LPAR1: variants seen among roughly 807,000 people sequenced by gnomAD.
The protein encoded by LPAR1 is LPA receptor 1.
A neutral mutation model predicts 23.8 loss-of-function variants in LPAR1; 5 were observed. The observed-to-expected ratio is 0.21, with a 90% CI of 0.11 to 0.44. LPAR1 has a LOEUF of 0.44. Among genes scored for constraint, LPAR1 ranks in the 20% least tolerant of loss-of-function variants. LPAR1 has a pLI of 0.99. For synonymous variants in LPAR1, 160 were observed against 164.7 expected, an observed-to-expected ratio of 0.97 and a Z score of 0.22; for missense variants, 311 against 482.8, an observed-to-expected ratio of 0.64 and a Z score of 3.33.
intron 2 of LPAR1, among the ~76,000 whole-genome samples, chr9:111,015,930 C>T (rs751156900): frequency 4.0e-5 from 6 of 151,622 alleles, no homozygotes; most frequent in Non-Finnish European, 7.4e-5. Flanking sequence ...TCCTCATGCA[C>T]GGCAAACTGA....
chr9:110,887,872 C>T (rs536722), intron 5 of LPAR1, among the ~76,000 whole-genome samples: 124,766 of 152,236 alleles, frequency 0.82, 51,607 homozygotes, highest in African/African-American at 0.93. Context: ...ACTTATCCTA[C>T]AGATATATTT....
At chr9:110,906,974 A>G (rs879558581) in intron 5 of LPAR1, among the ~76,000 whole-genome samples, 5,682 of 152,292 alleles carry the variant, frequency 0.037, 172 homozygotes, top group Non-Finnish European at 0.047. Flanking sequence ...TCTGTAACTT[A>G]AAAAATCTAG....
At chr9:110,971,265 C>G (rs904246936) in intron 4 of LPAR1, among the ~76,000 whole-genome samples, 4 of 152,140 alleles carry the variant, frequency 2.6e-5, no homozygotes, top group African/African-American at 9.7e-5. Context: ...CCTCTGTATG[C>G]CTCATGTATA....
intron 2 of LPAR1, among the ~76,000 whole-genome samples, chr9:111,025,264 T>C (rs1191147266): frequency 6.6e-6 from 1 of 152,220 alleles, no homozygotes; most frequent in African/African-American, 2.4e-5. Flanking sequence ...AGATGGTAGC[T>C]CATTGTGGTT....
chr9:110,946,318 G>T (rs2095376588), intron 4 of LPAR1, among the ~76,000 whole-genome samples: 1 of 152,002 alleles, frequency 6.6e-6, no homozygotes. Flanking sequence ...AAAAAGAAAG[G>T]TCTCAGATTA....
intron 5 of LPAR1, among the ~76,000 whole-genome samples, chr9:110,884,787 G>C (rs1475004626): frequency 6.6e-6 from 1 of 152,122 alleles, no homozygotes. Flanking sequence ...CTATTACTTT[G>C]AGTAATTTTC....
In LPAR1 at chr9:111,024,563, TATATATACACACAC is replaced by T. The variant is rs1314747162; in HGVS notation, c.-182+11545_-182+11558del. On this transcript the variant is annotated intron_variant, in intron 2 of 5. Coordinates refer to ENST00000683809, the MANE Select transcript of LPAR1 (RefSeq NM_001351411.2). Reference sequence around the variant, plus strand: ...GTGTGTGTATATATATACACACACATATATATACACACACACTTTAAGTTCTGGGATACATGTGC... The same window carrying T: ...GTGTGTGTATATATATACACACACATACTTTAAGTTCTGGGATACATGTGC... 8.6e-3 allele frequency among the ~76,000 whole-genome samples: 809 copies of T among 94,472 alleles called. 11 individuals are homozygous for T. Among genetic ancestry groups the T allele is most frequent in the African/African-American group, 0.028 (767 of 27,808 alleles). The allele number at this position is 94,472 out of a possible 152,430, so 62.0% of individuals were successfully genotyped here.
chr9:110,968,298 C>T (rs1057091569), intron 4 of LPAR1, among the ~76,000 whole-genome samples: 12 of 152,188 alleles, frequency 7.9e-5, no homozygotes, highest in East Asian at 1.9e-4. Context: ...AATTGGCTCG[C>T]GAAATTCCTG....
chr9:110,922,969 C>T (rs1267565757), intron 5 of LPAR1, among the ~76,000 whole-genome samples: 1 of 151,722 alleles, frequency 6.6e-6, no homozygotes, highest in Non-Finnish European at 1.5e-5. Context: ...GGGTATTTCT[C>T]CTAACGCTAT....
chr9:110,957,344 A>AT (rs2095796055), intron 4 of LPAR1, among the ~76,000 whole-genome samples: 1 of 142,504 alleles, frequency 7.0e-6, no homozygotes, highest in Non-Finnish European at 1.5e-5. Context: ...TGTCTCAAAA[A>AT]AAAAAAAATA....
intron 4 of LPAR1, 84 bp downstream of exon 4, chr9:110,971,989 A>C (rs2096439532): frequency 9.8e-6 from 11 of 1,127,982 alleles, no homozygotes; most frequent in Non-Finnish European, 1.5e-5. Flanking sequence ...TGATCCCTAG[A>C]GTCAAATACA....
chr9:110,896,005 G>C (rs550385535), intron 5 of LPAR1, among the ~76,000 whole-genome samples: 1 of 152,278 alleles, frequency 6.6e-6, no homozygotes, highest in African/African-American at 2.4e-5. Context: ...CAGGCTTACA[G>C]AGTGAAAAAC....
At chr9:110,929,709 T>A (rs1182265340) in intron 5 of LPAR1, among the ~76,000 whole-genome samples, 2 of 59,992 alleles carry the variant, frequency 3.3e-5, no homozygotes, top group African/African-American at 1.0e-4. Flanking sequence ...TGTGTGTGTG[T>A]GTGTGTGTGT....
intron 5 of LPAR1, among the ~76,000 whole-genome samples, chr9:110,928,474 T>C (rs190788793): frequency 1.3e-5 from 2 of 152,334 alleles, no homozygotes; most frequent in Middle Eastern, 3.4e-3. Context: ...CTCTAGAATA[T>C]ATGTATGGTG....
At chr9:110,943,084 T>C (rs2095223320) in intron 4 of LPAR1, among the ~76,000 whole-genome samples, 1 of 147,998 alleles carries the variant, frequency 6.8e-6, no homozygotes, top group Non-Finnish European at 1.5e-5. Context: ...TTTATTTATC[T>C]ATCATAATAT....
At chr9:110,936,014 C>G (rs894357497) in intron 5 of LPAR1, among the ~76,000 whole-genome samples, 2 of 152,204 alleles carry the variant, frequency 1.3e-5, no homozygotes, top group Non-Finnish European at 2.9e-5. Context: ...TTCTCCTCCA[C>G]CCAATGCTAC....
chr9:110,875,816 T>G (rs2078962324), intron 5 of LPAR1, 94 bp from the exon 6 acceptor site: 2 of 636,786 alleles, frequency 3.1e-6, no homozygotes, highest in South Asian at 5.0e-5. Flanking sequence ...TGATTTCAGT[T>G]CAATATAAAA....
In LPAR1 at chr9:110,941,880, T is replaced by C. The variant is rs867643710; in HGVS notation, c.334A>G (p.Asn112Asp). 6.2e-6 allele frequency: 10 copies of C among 1,614,100 alleles called. No individual in the cohort carries two copies. The African/African-American group carries it at 1.3e-4, about 22-fold the overall frequency. ...GTGCTAACAGTCAGTCTCCGAGTAT[T>C]GGGTCCTGTGTTGAACATGAGATAG... ...YFYLMFNTGP[N>D]TRRLTVSTWL... The change falls in exon 5 of 6, where the codon AAT becomes GAT. Residue 112 changes from asparagine (N) to aspartate (D), a missense_variant. Asn to Asp is a conservative substitution (Grantham distance 23). Transcript: ENST00000683809. This position sits in a 1 kb window ranked among gnomAD's most constrained non-coding sequence, Gnocchi z 6.1.
intron 5 of LPAR1, among the ~76,000 whole-genome samples, chr9:110,912,823 A>C (rs1408421633): frequency 6.6e-6 from 1 of 152,116 alleles, no homozygotes; most frequent in Admixed American, 6.6e-5. Context: ...CCAGATGAGA[A>C]GGGTTCCTTT....
Sources: gnomAD v4.1 joint callset for allele counts (sites outside exome capture counted in the v4.1 genomes callset) on GRCh38, gnomAD v4.1.1 for gene constraint, Gnocchi (gnomAD v3.1) non-coding constraint, MANE v1.5 for transcripts, NCBI Gene and HGNC (gene_info 2026-07-23, HGNC 2026-07-21) for gene names.